Variants in SULF2 observed in about 807,000 individuals in gnomAD.
SULF2 encodes sulfatase 2.
Under a neutral mutation model 107.7 loss-of-function variants are expected in SULF2, and 52 were observed. That is an observed-to-expected ratio of 0.48 (90% CI 0.39 to 0.61). The LOEUF is 0.61. Among genes scored for constraint, SULF2 ranks in the 20% least tolerant of loss-of-function variants. SULF2 has a pLI of 0.00. For missense variants in SULF2, 993 were observed against 1,177.3 expected, an observed-to-expected ratio of 0.84 and a Z score of 2.29; for synonymous variants, 460 against 464.3, an observed-to-expected ratio of 0.99 and a Z score of 0.12.
chr20:47,763,923 C>T (rs1366316267), intron 1 of SULF2, among the ~76,000 whole-genome samples: 1 of 152,178 alleles, frequency 6.6e-6, no homozygotes, highest in Non-Finnish European at 1.5e-5. Context: ...AACGCAAAAA[C>T]CCTCCAAAGG....
intron 1 of SULF2, among the ~76,000 whole-genome samples, chr20:47,779,421 A>G (rs1054522770): frequency 6.6e-6 from 1 of 151,494 alleles, no homozygotes; most frequent in Non-Finnish European, 1.5e-5. Context: ...TCCAATCCCC[A>G]TTTCACTCCA....
chr20:47,780,755 T>G (rs969408243), intron 1 of SULF2, among the ~76,000 whole-genome samples: 1 of 152,170 alleles, frequency 6.6e-6, no homozygotes, highest in African/African-American at 2.4e-5. Context: ...GGTTTTGCCA[T>G]GTTGGCCAGG....
intron 3 of SULF2, among the ~76,000 whole-genome samples, chr20:47,709,789 C>T (rs965486654): frequency 6.6e-6 from 1 of 150,924 alleles, no homozygotes; most frequent in African/African-American, 2.4e-5. Context: ...TGGAAAAATG[C>T]GGAGGTGGGA....
At chr20:47,689,905 T>C (rs2088138542) in intron 5 of SULF2, 1 of 405,378 alleles carries the variant, frequency 2.5e-6, no homozygotes, top group Non-Finnish European at 4.2e-6. Flanking sequence ...AGGCCGTGTA[T>C]CCCAAGTTAA....
At chr20:47,695,521 G>A (rs1033757666) in intron 4 of SULF2, among the ~76,000 whole-genome samples, 7 of 152,142 alleles carry the variant, frequency 4.6e-5, no homozygotes, top group Non-Finnish European at 2.9e-5. Context: ...CTCATGTAAG[G>A]GAATCATGCA....
Position 47,707,555 on chromosome 20 carries a change from G to C in SULF2, c.416-4885C>G, listed in dbSNP as rs960377315. 2.6e-5 allele frequency among the ~76,000 whole-genome samples: 4 copies of C among 152,192 alleles called. No homozygotes were observed. The East Asian group carries it at 5.8e-4, about 22-fold the overall frequency. The stretch of plus-strand genomic sequence containing the variant: ...AGCTTCTGGCCACCCTTACAACCTA[G>C]TTCCACCCACAAAGGCACCAGTGGC... On this transcript the variant is annotated intron_variant, in intron 3 of 20. Coordinates refer to ENST00000688720, the MANE Select transcript of SULF2 (RefSeq NM_001387048.1).
In SULF2 at chr20:47,785,432, T is replaced by G. The variant is rs1195384806; in HGVS notation, c.-190A>C. The G allele has an allele frequency of 6.6e-6, 1 of 150,804 alleles. No individual in the cohort carries two copies. Among genetic ancestry groups the G allele is most frequent in the Non-Finnish European group, 1.4e-5 (1 of 73,436 alleles). The allele number at this position is 150,804 out of a possible 1,614,324, so 9.3% of individuals were successfully genotyped here. The stretch of plus-strand genomic sequence containing the variant: ...GGCCGGGCCGCTGGGCGCAGGGGAC[T>G]CCGCGCCGCCGCTGCCGCTGCCGCC... On this transcript the variant is annotated 5_prime_UTR_variant, in exon 1 of 21. Coordinates refer to ENST00000688720, the MANE Select transcript of SULF2 (RefSeq NM_001387048.1).
chr20:47,673,732 G>A (rs149374697), intron 10 of SULF2, among the ~76,000 whole-genome samples: 173 of 152,354 alleles, frequency 1.1e-3, no homozygotes, highest in African/African-American at 4.0e-3. Flanking sequence ...CCCTGAATGA[G>A]GCCAGCCCAG....
chr20:47,737,755 GTTTTTTTTTTTTT>G (rs11484375), intron 2 of SULF2, among the ~76,000 whole-genome samples: 26 of 61,838 alleles, frequency 4.2e-4, no homozygotes, highest in Non-Finnish European at 6.5e-4. Context: ...TCTTTTCTTT[GTTTTTTTTTTTTT>G]TTTTTTTTTT....
chr20:47,678,735 A>G lies in SULF2; in HGVS notation c.1134T>C (p.Pro378=). 1 of 1,613,834 alleles carries G rather than the reference A, an allele frequency of 6.2e-7. No individual in the cohort carries two copies. The highest frequency in any genetic ancestry group is 8.5e-7 in the Non-Finnish European group (1 of 1,179,942). Residue 378 remains proline, a synonymous_variant, in exon 8 of 21, where the codon CCT becomes CCC. Coordinates refer to ENST00000688720, the MANE Select transcript of SULF2 (RefSeq NM_001387048.1). The surrounding 1 kb of genome is among the most constrained non-coding windows in gnomAD (Gnocchi z 4.5). ...GGATGGATTTCCCGTCCATATCCGC[A>G]GGTATGTCCAGGCCTGCAATGTCCA... ...TILDIAGLDI[P]ADMDGKSILK...
Position 47,666,934 on chromosome 20 carries a change from A to T in SULF2, c.1577-446T>A, listed in dbSNP as rs1322877731. Among the ~76,000 whole-genome samples, 1 of 152,194 alleles carries T rather than the reference A, an allele frequency of 6.6e-6. No homozygotes were observed. Among genetic ancestry groups the T allele is most frequent in the African/African-American group, 2.4e-5 (1 of 41,444 alleles). On this transcript the variant is annotated intron_variant, in intron 11 of 20. Coordinates refer to ENST00000688720, the MANE Select transcript of SULF2 (RefSeq NM_001387048.1). This position sits in a 1 kb window ranked among gnomAD's most constrained non-coding sequence, Gnocchi z 5.4. Reference sequence around the variant, plus strand: ...TTATAGGAACTACCCAGAATAGGTAAATCTATAGCGGCAGAAAGAAGATTG... The same window carrying T: ...TTATAGGAACTACCCAGAATAGGTATATCTATAGCGGCAGAAAGAAGATTG...
intron 2 of SULF2, among the ~76,000 whole-genome samples, chr20:47,756,118 A>C (rs1274475401): frequency 6.6e-6 from 1 of 152,188 alleles, no homozygotes; most frequent in Non-Finnish European, 1.5e-5. Flanking sequence ...TATAGCCGAA[A>C]CAGCGTCGGG....
chr20:47,689,950 C>G (rs2088139724), intron 5 of SULF2, 176 bp downstream of exon 5: 2 of 587,744 alleles, frequency 3.4e-6, no homozygotes, highest in Non-Finnish European at 5.0e-6. Flanking sequence ...CCCAGGCTGT[C>G]TGGAGTTGCA....
At chr20:47,669,390 G>A (rs2087388336) in intron 11 of SULF2, among the ~76,000 whole-genome samples, 1 of 152,098 alleles carries the variant, frequency 6.6e-6, no homozygotes, top group African/African-American at 2.4e-5. Context: ...CTGTGGTGGG[G>A]GCCGTCCTGT....
chr20:47,726,573 G>A (rs1434449512), intron 3 of SULF2, among the ~76,000 whole-genome samples: 2 of 152,160 alleles, frequency 1.3e-5, no homozygotes, highest in Admixed American at 1.3e-4. Flanking sequence ...GCATTATCCA[G>A]TACAGAACCC....
chr20:47,724,226 T>A (rs1408963234), intron 3 of SULF2, among the ~76,000 whole-genome samples: 1 of 152,212 alleles, frequency 6.6e-6, no homozygotes, highest in African/African-American at 2.4e-5. Flanking sequence ...TTACAATTTT[T>A]AAAAGTGTCC....
chr20:47,722,265 CATTT>C (rs564560382), intron 3 of SULF2, among the ~76,000 whole-genome samples: 88 of 152,244 alleles, frequency 5.8e-4, no homozygotes, highest in African/African-American at 2.0e-3. Context: ...TCCATCTGTT[CATTT>C]TTTTTATTCG....
rs138918291 is a variant in SULF2 at position 47,739,814 on chromosome 20, G to A, written c.176-2872C>T. On this transcript the variant is annotated intron_variant, in intron 2 of 20. Transcript: ENST00000688720. The stretch of plus-strand genomic sequence containing the variant: ...ACATATAAAATACTATCTTACACTC[G>A]GGTTTTCATATCTCAGGAATCCAAA... Among the ~76,000 whole-genome samples, 60 of 152,316 alleles carry A rather than the reference G, an allele frequency of 3.9e-4. 1 individual carries two copies. Among genetic ancestry groups the A allele is most frequent in the African/African-American group, 1.2e-3 (50 of 41,570 alleles).
intron 3 of SULF2, among the ~76,000 whole-genome samples, chr20:47,733,197 A>T (rs896690363): frequency 6.6e-6 from 1 of 152,244 alleles, no homozygotes; most frequent in Admixed American, 6.5e-5. Context: ...TACTACATGA[A>T]GGAGAAGAGA....
Sources: gnomAD v4.1 joint callset for allele counts (sites outside exome capture counted in the v4.1 genomes callset) on GRCh38, gnomAD v4.1.1 for gene constraint, Gnocchi (gnomAD v3.1) non-coding constraint, MANE v1.5 for transcripts, NCBI Gene and HGNC (gene_info 2026-07-23, HGNC 2026-07-21) for gene names.